BACH2: variants seen among roughly 807,000 people sequenced by gnomAD.
The protein encoded by BACH2 is BACH transcriptional regulator 2, also known as transcription regulator protein BACH2.
A neutral mutation model predicts 61.8 loss-of-function variants in BACH2; 5 were observed. That is an observed-to-expected ratio of 0.08 (90% CI 0.04 to 0.17). The LOEUF (loss-of-function observed/expected upper bound fraction) is 0.17, where lower values mean the gene tolerates loss of function less well. BACH2 is among the 10% of genes least tolerant of loss of function. BACH2 has a pLI of 1.00. For missense variants in BACH2, 824 were observed against 1,091.1 expected (o/e 0.76, Z 3.45); for synonymous variants, 446 against 440.1 (o/e 1.01, Z -0.17).
intron 5 of BACH2, among the ~76,000 whole-genome samples, chr6:90,064,271 C>T (rs1780831373): frequency 6.6e-6 from 1 of 152,136 alleles, no homozygotes; most frequent in Non-Finnish European, 1.5e-5. Context: ...AAGGAAGCAG[C>T]ATGGAGGGGG....
rs530130904 is a variant in BACH2 at position 90,073,337 on chromosome 6, T to C, written c.-13+15624A>G. On this transcript the variant is annotated intron_variant, in intron 5 of 8. Coordinates refer to ENST00000257749, the MANE Select transcript of BACH2 (RefSeq NM_021813.4). Reference sequence around the variant, plus strand: ...TGATTTAGAGCTGACAGGTGGTACATGCATAATTAAAGATGACCTAACACA... The same window carrying C: ...TGATTTAGAGCTGACAGGTGGTACACGCATAATTAAAGATGACCTAACACA... Among the ~76,000 whole-genome samples, 16 of 152,356 alleles carry C rather than the reference T, an allele frequency of 1.1e-4. 1 individual carries two copies. The South Asian group carries it at 3.3e-3, about 32-fold the overall frequency.
intron 6 of BACH2, among the ~76,000 whole-genome samples, chr6:89,989,412 C>T (rs563144131): frequency 9.9e-5 from 15 of 151,982 alleles, no homozygotes; most frequent in Non-Finnish European, 8.8e-5. Context: ...CTTTTTTATG[C>T]GGTGGGCTTA....
In BACH2 at chr6:89,950,644, C is replaced by G; in HGVS notation, c.1462G>C (p.Asp488His). 1 of 1,614,006 alleles carries G rather than the reference C, an allele frequency of 6.2e-7. No individual in the cohort carries two copies. The highest frequency in any genetic ancestry group is 8.5e-7 in the Non-Finnish European group (1 of 1,179,984). ...QAYSHGGLMA[D>H]HLPGRMRPNT... The stretch of plus-strand genomic sequence containing the variant: ...GGCCGCATCCTTCCTGGCAAGTGGT[C>G]GGCCATCAGCCCACCGTGGGAGTAG... The change falls in exon 7 of 9, where the codon GAC (aspartate) becomes CAC (histidine). Residue 488 changes from aspartate to histidine, a missense_variant. Physicochemically the swap from Asp to His is moderately conservative, Grantham distance 81 (BLOSUM62 -1). Transcript: ENST00000257749. The surrounding 1 kb of genome is among the most constrained non-coding windows in gnomAD (Gnocchi z 5.3).
Position 89,932,594 on chromosome 6 carries a change from G to A in BACH2, c.2340C>T (p.Pro780=), listed in dbSNP as rs1469317259. ...TCTCGGAGGTGTTGCTGGGTGCCCA[G>A]GGGGGTCCGGGGGGAGCCGCGCCTG... ...LEPGAAPPGP[P]WAPSNTSENC... Residue 780 remains proline, a synonymous_variant, in exon 9 of 9, where the codon CCC becomes CCT. Transcript: ENST00000257749. 3 of 1,613,960 alleles carry A rather than the reference G, an allele frequency of 1.9e-6. No individual in the cohort carries two copies. The highest frequency in any genetic ancestry group is 4.5e-5 in the East Asian group (2 of 44,864).
Position 90,089,111 on chromosome 6 carries a change from T to C in BACH2, c.-161-2A>G, listed in dbSNP as rs1782052224. On this transcript the variant is annotated splice_acceptor_variant, in intron 4 of 8. Coordinates refer to ENST00000257749, the MANE Select transcript of BACH2 (RefSeq NM_021813.4). LOFTEE classifies it low-confidence loss of function (5UTR_SPLICE). ...TGTGACAGGTCAGTGAGTGTCCACC[T>C]AATTGGGAAGGAAAAGTTGTCCATT... The C allele has an allele frequency of 6.6e-6, 1 of 152,364 alleles. No individual in the cohort carries two copies. The highest frequency in any genetic ancestry group is 6.5e-5 in the Admixed American group (1 of 15,280). 9.4% of individuals were successfully genotyped at this position (152,364 alleles called of 1,614,324 possible).
intron 5 of BACH2, among the ~76,000 whole-genome samples, chr6:90,065,162 C>T (rs946368229): frequency 4.7e-5 from 7 of 150,404 alleles, no homozygotes; most frequent in East Asian, 2.0e-4. Context: ...GATAAACTAA[C>T]GAGTTCCAGT....
chr6:90,140,588 C>T (rs1461314246), intron 4 of BACH2, among the ~76,000 whole-genome samples: 1 of 152,026 alleles, frequency 6.6e-6, no homozygotes, highest in Non-Finnish European at 1.5e-5. Flanking sequence ...TTGGCTGAGC[C>T]CAGGTGGTAG....
intron 6 of BACH2, among the ~76,000 whole-genome samples, chr6:89,955,006 G>A (rs751186984): frequency 6.6e-6 from 1 of 152,208 alleles, no homozygotes; most frequent in South Asian, 2.1e-4. Context: ...ATTTTGCTCA[G>A]CTTCTGTGTG....
At chr6:90,211,588 CTGTGTGTGTG>C (rs3072674) in intron 3 of BACH2, among the ~76,000 whole-genome samples, 35,339 of 144,028 alleles carry the variant, frequency 0.25, 5,112 homozygotes, top group Non-Finnish European at 0.35. Context: ...GTGTCAAGGG[CTGTGTGTGTG>C]TGTGTGTGTG....
chr6:90,025,268 G>C (rs1352447489), intron 5 of BACH2, among the ~76,000 whole-genome samples: 1 of 152,076 alleles, frequency 6.6e-6, no homozygotes, highest in Non-Finnish European at 1.5e-5. Context: ...TCATCGCACT[G>C]GTCTTTTTTA....
Position 89,950,277 on chromosome 6 carries a change from C to T in BACH2, c.1829G>A (p.Gly610Asp), listed in dbSNP as rs970736926. The T allele has an allele frequency of 2.5e-6, 4 of 1,614,118 alleles. No homozygotes were observed. The highest frequency in any genetic ancestry group is 2.5e-6 in the Non-Finnish European group (3 of 1,180,018). ...TTTATGTGGGTTCCCTACCTCCTGGCCCCTGTCCTGCACAGGACACGACTC... is the reference window on the plus strand; with the variant it reads ...TTTATGTGGGTTCCCTACCTCCTGGTCCCTGTCCTGCACAGGACACGACTC... ...DSESCPVQDR[G>D]QEVKLPFPVD... Residue 610 changes from glycine to aspartate, a missense_variant, in exon 7 of 9, where the codon GGC becomes GAC. Gly to Asp is a moderately conservative substitution (Grantham distance 94). Transcript: ENST00000257749. The surrounding 1 kb of genome is among the most constrained non-coding windows in gnomAD (Gnocchi z 5.3).
chr6:89,980,848 G>A (rs1347002635), intron 6 of BACH2, among the ~76,000 whole-genome samples: 2 of 149,846 alleles, frequency 1.3e-5, no homozygotes, highest in Non-Finnish European at 3.0e-5. Flanking sequence ...TTAACCTTTT[G>A]TTCTCATCAC....
intron 6 of BACH2, among the ~76,000 whole-genome samples, chr6:89,968,195 G>A (rs1415496620): frequency 1.3e-5 from 2 of 152,244 alleles, no homozygotes; most frequent in African/African-American, 4.8e-5. Context: ...AGGGCCAGGG[G>A]AAACCCTGGC....
intron 4 of BACH2, among the ~76,000 whole-genome samples, chr6:90,122,961 GC>G (rs1241589999): frequency 6.6e-6 from 1 of 152,194 alleles, no homozygotes; most frequent in East Asian, 1.9e-4. Flanking sequence ...AGAATGTTTT[GC>G]TTAACTTCAA....
At chr6:90,107,326 C>G (rs1048636221) in intron 4 of BACH2, among the ~76,000 whole-genome samples, 1 of 151,694 alleles carries the variant, frequency 6.6e-6, no homozygotes, top group Non-Finnish European at 1.5e-5. Context: ...GAGCTGAGAT[C>G]GTGCCACTAC....
At chr6:90,021,464 T>C (rs1295701454) in intron 5 of BACH2, among the ~76,000 whole-genome samples, 1 of 152,154 alleles carries the variant, frequency 6.6e-6, no homozygotes, top group Non-Finnish European at 1.5e-5. Context: ...GACCAAATTA[T>C]AAACCATTTC....
At chr6:90,105,557 A>G (rs1782865010) in intron 4 of BACH2, among the ~76,000 whole-genome samples, 1 of 152,242 alleles carries the variant, frequency 6.6e-6, no homozygotes, top group Admixed American at 6.5e-5. Flanking sequence ...AAAAATACCA[A>G]TGAACATTAG....
chr6:90,267,073 A>G (rs950134378), intron 2 of BACH2, among the ~76,000 whole-genome samples: 1 of 152,138 alleles, frequency 6.6e-6, no homozygotes, highest in Non-Finnish European at 1.5e-5. Context: ...AAGAAAAAAA[A>G]CATGTTAGAC....
At chr6:90,061,540 G>A (rs937511427) in intron 5 of BACH2, among the ~76,000 whole-genome samples, 2 of 152,150 alleles carry the variant, frequency 1.3e-5, no homozygotes, top group African/African-American at 4.8e-5. Context: ...TTAGGGGAGA[G>A]AGCTGGGCTG....
Sources: gnomAD v4.1 joint callset for allele counts (sites outside exome capture counted in the v4.1 genomes callset) on GRCh38, gnomAD v4.1.1 for gene constraint, Gnocchi (gnomAD v3.1) non-coding constraint, MANE v1.5 for transcripts, NCBI Gene and HGNC (gene_info 2026-07-23, HGNC 2026-07-21) for gene names.